The following CUX1 variants were observed in gnomAD, a reference collection of about 807,000 sequenced individuals.
CUX1 encodes protein CASP.
Under a neutral mutation model 158.8 loss-of-function variants are expected in CUX1, and 31 were observed. The observed-to-expected ratio is 0.20, with a 90% confidence interval of 0.15 to 0.26. The LOEUF is 0.26. CUX1 is among the 10% of genes least tolerant of loss of function. The pLI is 1.00. For synonymous variants in CUX1, 879 were observed against 862.1 expected (o/e 1.02, Z -0.34); for missense variants, 1,589 against 2,014.6 (o/e 0.79, Z 4.04).
chr7:102,125,810 TTTTTATTTTA>T (rs151126048), intron 8 of CUX1: 15,712 of 151,426 alleles, frequency 0.1, 1,059 homozygotes, highest in Admixed American at 0.17. Flanking sequence ...AGTCCTGCTG[TTTTTATTTTA>T]TTTTATTTTA....
chr7:101,840,538 T>C (rs1158880879), intron 1 of CUX1, among the ~76,000 whole-genome samples: 3 of 152,226 alleles, frequency 2.0e-5, no homozygotes. Flanking sequence ...ATTACATTGA[T>C]TGACTATATG....
At chr7:102,278,659 A>AAAATAAAATAAAAT (rs1791801475) in intron 18 of CUX1, among the ~76,000 whole-genome samples, 16 of 96,228 alleles carry the variant, frequency 1.7e-4, no homozygotes, top group African/African-American at 5.0e-4. Context: ...TAAAATAAAA[A>AAAATAAAATAAAAT]AATAAAATAA....
At chr7:101,878,723 A>T (rs910813234) in intron 1 of CUX1, among the ~76,000 whole-genome samples, 5 of 152,116 alleles carry the variant, frequency 3.3e-5, no homozygotes, top group African/African-American at 1.2e-4. Flanking sequence ...CCGAGGCTGA[A>T]GTGCAGTGGT....
intron 1 of CUX1, among the ~76,000 whole-genome samples, chr7:101,823,278 A>C (rs996554165): frequency 2.0e-5 from 3 of 152,134 alleles, no homozygotes; most frequent in African/African-American, 7.2e-5. Flanking sequence ...AGGTGACTGG[A>C]ACGGAGCCAA....
At chr7:101,870,891 T>C (rs1378355055) in intron 1 of CUX1, among the ~76,000 whole-genome samples, 1 of 152,216 alleles carries the variant, frequency 6.6e-6, no homozygotes, top group East Asian at 1.9e-4. Context: ...TGTAAATAAA[T>C]AGTAAGGCGC....
intron 2 of CUX1, among the ~76,000 whole-genome samples, chr7:101,997,360 C>G (rs966476134): frequency 2.6e-5 from 4 of 152,106 alleles, no homozygotes; most frequent in Non-Finnish European, 4.4e-5. Flanking sequence ...TTTGTTTTCT[C>G]TGAGACGGAG....
At chr7:102,121,538 G>A (rs1180992878) in intron 8 of CUX1, among the ~76,000 whole-genome samples, 1 of 152,146 alleles carries the variant, frequency 6.6e-6, no homozygotes, top group African/African-American at 2.4e-5. Flanking sequence ...TAGAGACGAG[G>A]TTTCACCATG....
intron 5 of CUX1, 42 bp downstream of exon 5, chr7:102,097,543 T>TA: frequency 1.3e-6 from 2 of 1,500,332 alleles, no homozygotes; most frequent in South Asian, 2.5e-5. Flanking sequence ...TTTCTTCTTT[T>TA]TTTTCTCTTC....
intron 2 of CUX1, among the ~76,000 whole-genome samples, chr7:101,975,742 G>A (rs954180463): frequency 5.3e-5 from 8 of 152,178 alleles, no homozygotes; most frequent in East Asian, 1.9e-4. Flanking sequence ...CTGTCTTTCC[G>A]TGTGTTTGTT....
At chr7:102,244,071 G>T (rs1554536002) in intron 23 of CUX1, among the ~76,000 whole-genome samples, 1 of 152,054 alleles carries the variant, frequency 6.6e-6, no homozygotes, top group African/African-American at 2.4e-5. Flanking sequence ...CACCCAGCAG[G>T]CCAAGGGCAG....
In CUX1 at chr7:102,197,339, G is replaced by A. The variant is rs782313793; in HGVS notation, c.1894+34G>A. Reference sequence around the variant, plus strand: ...CTGGCGTTGGGTGGCGCCAGCGTGCGAGCCCGTCACAGAGTTGCACATGTG... The same window carrying A: ...CTGGCGTTGGGTGGCGCCAGCGTGCAAGCCCGTCACAGAGTTGCACATGTG... On this transcript the variant is annotated intron_variant, in intron 15 of 23. Coordinates refer to ENST00000292535, the MANE Select transcript of CUX1 (RefSeq NM_181552.4). 2.8e-5 allele frequency: 45 copies of A among 1,597,852 alleles called. No individual in the cohort carries two copies. In the East Asian group the frequency reaches 3.1e-4, roughly 11 times the overall value.
chr7:101,841,502 A>AT (rs961258368), intron 1 of CUX1, among the ~76,000 whole-genome samples: 1 of 148,874 alleles, frequency 6.7e-6, no homozygotes, highest in African/African-American at 2.5e-5. Flanking sequence ...TTCTGAGTGC[A>AT]TTTTTTTTCT....
chr7:102,104,931 G>A (rs1268830211), intron 6 of CUX1, among the ~76,000 whole-genome samples: 4 of 152,116 alleles, frequency 2.6e-5, no homozygotes, highest in Non-Finnish European at 5.9e-5. Context: ...TTCCTTGAGC[G>A]AAATGCATCT....
intron 19 of CUX1, among the ~76,000 whole-genome samples, chr7:102,204,773 A>C (rs145658049): frequency 6.6e-6 from 1 of 152,380 alleles, no homozygotes; most frequent in East Asian, 1.9e-4. Context: ...AGGAGAGATC[A>C]TGCCTGTCTA....
At chr7:101,997,132 G>A (rs957436087) in intron 2 of CUX1, among the ~76,000 whole-genome samples, 1 of 152,026 alleles carries the variant, frequency 6.6e-6, no homozygotes, top group Admixed American at 6.5e-5. Context: ...TTGTCAGCAC[G>A]CCGATCTGGA....
intron 11 of CUX1, among the ~76,000 whole-genome samples, chr7:102,179,812 T>A (rs1292992442): frequency 6.6e-6 from 1 of 152,182 alleles, no homozygotes; most frequent in African/African-American, 2.4e-5. Flanking sequence ...GGCCAGGGGT[T>A]CCCTGCTCTG....
intron 14 of CUX1, among the ~76,000 whole-genome samples, chr7:102,270,258 G>T (rs367779173): frequency 6.6e-6 from 1 of 152,354 alleles, no homozygotes; most frequent in South Asian, 2.1e-4. Context: ...TGAGGCAGCC[G>T]GTGGGGGATA....
At position 102,252,054 on chromosome 7, in the gene CUX1, G is replaced by T; in HGVS notation, c.*3012G>T. On this transcript the variant is annotated 3_prime_UTR_variant, in exon 24 of 24. Coordinates refer to ENST00000292535, the MANE Select transcript of CUX1 (RefSeq NM_181552.4). ...GTCTTTTTTGCCAGACTTACATCTG[G>T]TGCCAGATACAATCAGTTGGTTAAA... The T allele has an allele frequency of 1.0e-6, 1 of 985,120 alleles. No homozygotes were observed. Among genetic ancestry groups the T allele is most frequent in the East Asian group, 1.1e-4 (1 of 8,824 alleles). 61.0% of individuals were successfully genotyped at this position (985,120 alleles called of 1,614,324 possible). A position where few individuals can be genotyped will look rare whatever the true frequency, so the allele number is the denominator to read the frequency against.
chr7:101,839,941 T>C (rs1472468277), intron 1 of CUX1, among the ~76,000 whole-genome samples: 1 of 152,190 alleles, frequency 6.6e-6, no homozygotes, highest in Non-Finnish European at 1.5e-5. Flanking sequence ...TTTGTATTTT[T>C]AGTACAGATG....
Sources: gnomAD v4.1 joint callset for allele counts (sites outside exome capture counted in the v4.1 genomes callset) on GRCh38, gnomAD v4.1.1 for gene constraint, MANE v1.5 for transcripts, NCBI Gene and HGNC (gene_info 2026-07-23, HGNC 2026-07-21) for gene names.